The following PTPRN2 variants were observed in gnomAD, a reference collection of about 807,000 sequenced individuals.
PTPRN2 encodes protein tyrosine phosphatase receptor type N2, also known as receptor-type tyrosine-protein phosphatase N2.
PTPRN2 carries 74 observed loss-of-function variants against 118.8 expected under a neutral mutation model. The observed-to-expected ratio is 0.62, with a 90% CI of 0.52 to 0.76. The LOEUF is 0.76. Among genes scored for constraint, PTPRN2 ranks in the 30% least tolerant of loss-of-function variants. The pLI is 0.00. For missense variants in PTPRN2, 1,481 were observed against 1,394.4 expected, an observed-to-expected ratio of 1.06 and a Z score of -0.99; for synonymous variants, 641 against 608.0, an observed-to-expected ratio of 1.05 and a Z score of -0.80.
chr7:157,829,259 G>A (rs558165584), intron 12 of PTPRN2, among the ~76,000 whole-genome samples: 33 of 152,350 alleles, frequency 2.2e-4, no homozygotes, highest in Non-Finnish European at 2.5e-4. Context: ...CAAGGGTCCC[G>A]TCTTGCTGCG....
At chr7:158,051,126 C>T (rs1450877869) in intron 11 of PTPRN2, among the ~76,000 whole-genome samples, 3 of 152,220 alleles carry the variant, frequency 2.0e-5, no homozygotes, top group African/African-American at 7.2e-5. Context: ...CTGCAGGGGG[C>T]ATCTGTTGGG....
intron 3 of PTPRN2, among the ~76,000 whole-genome samples, chr7:158,207,418 G>A (rs1418359729): frequency 6.6e-6 from 1 of 152,120 alleles, no homozygotes; most frequent in African/African-American, 2.4e-5. Flanking sequence ...AGTTTACAAA[G>A]CAATGGCAAC....
At chr7:157,581,368 C>G (rs1034865234) in intron 17 of PTPRN2, among the ~76,000 whole-genome samples, 4 of 152,248 alleles carry the variant, frequency 2.6e-5, no homozygotes, top group African/African-American at 7.2e-5. Context: ...AAGGCTCTAG[C>G]TGTGCCAGCT....
intron 2 of PTPRN2, among the ~76,000 whole-genome samples, chr7:158,356,003 C>A (rs1185862342): frequency 6.6e-6 from 1 of 152,156 alleles, no homozygotes; most frequent in Non-Finnish European, 1.5e-5. Flanking sequence ...ATTGAGCCCT[C>A]AATCAAAGCT....
At chr7:158,375,764 G>A (rs1387720498) in intron 2 of PTPRN2, among the ~76,000 whole-genome samples, 1 of 151,982 alleles carries the variant, frequency 6.6e-6, no homozygotes, top group African/African-American at 2.4e-5. Context: ...GGGAAGGAGA[G>A]AAGAGAAGGA....
At chr7:158,212,566 A>G (rs1266285126) in intron 3 of PTPRN2, among the ~76,000 whole-genome samples, 1 of 152,200 alleles carries the variant, frequency 6.6e-6, no homozygotes, top group Non-Finnish European at 1.5e-5. Context: ...GGTGCTGACT[A>G]TGGCTAGACA....
rs187192977 is a variant in PTPRN2, at chr7:158,526,308, C to T, written c.113-36523G>A. On this transcript the variant is annotated intron_variant, in intron 1 of 22. Transcript: ENST00000389418. The surrounding 1 kb of genome is among the most constrained non-coding windows in gnomAD (Gnocchi z 5.2). Reference sequence around the variant, plus strand: ...GAAGGGAACTGACACCACTCCTTCCCGGTGAGCTCGGCAGGGCTGCATCTC... The same window carrying T: ...GAAGGGAACTGACACCACTCCTTCCTGGTGAGCTCGGCAGGGCTGCATCTC... Among the ~76,000 whole-genome samples, 214 of 152,282 alleles carry T rather than the reference C, an allele frequency of 1.4e-3. 2 individuals are homozygous for T. Among genetic ancestry groups the T allele is most frequent in the African/African-American group, 4.8e-3 (199 of 41,568 alleles).
chr7:157,881,265 G>A lies in PTPRN2; in HGVS notation c.1788+17408C>T, dbSNP rs1796111939. 1.3e-5 allele frequency among the ~76,000 whole-genome samples: 2 copies of A among 151,942 alleles called. No individual in the cohort carries two copies. Among genetic ancestry groups the A allele is most frequent in the African/African-American group, 2.4e-5 (1 of 41,310 alleles). ...GAGGTCATGATGGTATGTGGAGATGGGGGTGTTTACAGGAGTCATTACAGT... is the reference window on the plus strand; with the variant it reads ...GAGGTCATGATGGTATGTGGAGATGAGGGTGTTTACAGGAGTCATTACAGT... On this transcript the variant is annotated intron_variant, in intron 12 of 22. Coordinates refer to ENST00000389418, the MANE Select transcript of PTPRN2 (RefSeq NM_002847.5). This position sits in a 1 kb window ranked among gnomAD's most constrained non-coding sequence, Gnocchi z 4.7.
At chr7:158,045,809 C>G (rs184556917) in intron 11 of PTPRN2, among the ~76,000 whole-genome samples, 10 of 146,526 alleles carry the variant, frequency 6.8e-5, no homozygotes, top group African/African-American at 2.6e-4. Flanking sequence ...GCGATCCTGG[C>G]GTCCTGACAC....
intron 1 of PTPRN2, among the ~76,000 whole-genome samples, chr7:158,549,964 G>T (rs982231897): frequency 1.3e-5 from 2 of 152,208 alleles, no homozygotes; most frequent in African/African-American, 4.8e-5. Flanking sequence ...CCTCCCCCTT[G>T]CCCTCGTCCT....
In PTPRN2 at chr7:158,509,480, CTGGG is replaced by C. The variant is rs1823021499; in HGVS notation, c.113-19699_113-19696del. Among the ~76,000 whole-genome samples the C allele has an allele frequency of 6.6e-6, 1 of 152,232 alleles. No homozygotes were observed. Among genetic ancestry groups the C allele is most frequent in the Non-Finnish European group, 1.5e-5 (1 of 68,048 alleles). The stretch of plus-strand genomic sequence containing the variant: ...CATCAAGTCTGCCATTCAGGCCACA[CTGGG>C]ACTTGGTGTCCAGTCCTCATCTCTT... On this transcript the variant is annotated intron_variant, in intron 1 of 22. Coordinates refer to ENST00000389418, the MANE Select transcript of PTPRN2 (RefSeq NM_002847.5). This position sits in a 1 kb window ranked among gnomAD's most constrained non-coding sequence, Gnocchi z 4.4.
chr7:158,210,921 T>C (rs1056024326), intron 3 of PTPRN2, among the ~76,000 whole-genome samples: 30 of 152,288 alleles, frequency 2.0e-4, no homozygotes, highest in African/African-American at 6.3e-4. Flanking sequence ...TTCCAAAAGA[T>C]AGAGGAGGAG....
intron 3 of PTPRN2, among the ~76,000 whole-genome samples, chr7:158,272,925 T>C (rs945233260): frequency 6.6e-6 from 1 of 152,192 alleles, no homozygotes; most frequent in African/African-American, 2.4e-5. Context: ...GCCCGGTGCA[T>C]GCAGACTCTG....
chr7:158,354,746 G>A (rs1808257594), intron 2 of PTPRN2, among the ~76,000 whole-genome samples: 1 of 152,068 alleles, frequency 6.6e-6, no homozygotes, highest in Admixed American at 6.6e-5. Flanking sequence ...GAGAACAAGA[G>A]GTACCAAGCT....
At chr7:157,792,600 T>C (rs534525539) in intron 12 of PTPRN2, among the ~76,000 whole-genome samples, 1 of 152,296 alleles carries the variant, frequency 6.6e-6, no homozygotes, top group East Asian at 1.9e-4. Flanking sequence ...AGCAACTCAG[T>C]AGGACCTTGG....
At chr7:158,373,375 G>A (rs938881522) in intron 2 of PTPRN2, among the ~76,000 whole-genome samples, 37 of 151,570 alleles carry the variant, frequency 2.4e-4, no homozygotes, top group African/African-American at 8.3e-4. Flanking sequence ...TGTGAGTAAC[G>A]CTAATTTCAT....
intron 12 of PTPRN2, among the ~76,000 whole-genome samples, chr7:157,748,374 GC>G (rs1801164212): frequency 5.3e-5 from 8 of 149,798 alleles, no homozygotes; most frequent in Non-Finnish European, 5.9e-5. Flanking sequence ...GCTGTGAGCT[GC>G]CTGGGTGATT....
intron 2 of PTPRN2, among the ~76,000 whole-genome samples, chr7:158,404,495 G>A (rs759395955): frequency 3.3e-5 from 5 of 152,194 alleles, no homozygotes; most frequent in African/African-American, 7.2e-5. Context: ...ACCAGGACCC[G>A]TGAGGACGGG....
chr7:157,945,354 C>A (rs1434676473), intron 11 of PTPRN2, among the ~76,000 whole-genome samples: 1 of 152,100 alleles, frequency 6.6e-6, no homozygotes, highest in Non-Finnish European at 1.5e-5. Flanking sequence ...GCACACTGAC[C>A]CCGTGTGTCC....
Sources: allele counts gnomAD v4.1 joint callset (sites outside exome capture counted in the v4.1 genomes callset), GRCh38; gene constraint gnomAD v4.1.1; non-coding constraint Gnocchi (gnomAD v3.1); transcripts MANE v1.5; gene names NCBI Gene and HGNC (gene_info 2026-07-23, HGNC 2026-07-21).